The following PAN3 variants were observed in gnomAD, a reference collection of about 807,000 sequenced individuals.
The protein encoded by PAN3 is poly(A) specific ribonuclease subunit PAN3, also known as PAN2-PAN3 deadenylation complex subunit PAN3.
Under a neutral mutation model 96.2 loss-of-function variants are expected in PAN3, and 19 were observed. That is an observed-to-expected ratio of 0.20 (90% CI 0.14 to 0.29). The LOEUF (loss-of-function observed/expected upper bound fraction) is 0.29, where lower values mean the gene tolerates loss of function less well. Ranked by LOEUF, PAN3 falls within the 10% of genes least tolerant of loss-of-function variation. PAN3 has a pLI of 1.00. For synonymous variants in PAN3, 433 were observed against 406.6 expected, an observed-to-expected ratio of 1.06 and a Z score of -0.78; for missense variants, 882 against 1,108.1, an observed-to-expected ratio of 0.80 and a Z score of 2.90.
At chr13:28,278,548 A>G (rs1887230046) in intron 15 of PAN3, among the ~76,000 whole-genome samples, 1 of 152,172 alleles carries the variant, frequency 6.6e-6, no homozygotes, top group Admixed American at 6.5e-5. Context: ...CTATTCTATT[A>G]TAAATGTTTG....
intron 6 of PAN3, among the ~76,000 whole-genome samples, chr13:28,251,927 G>T (rs1884763155): frequency 6.6e-6 from 1 of 151,988 alleles, no homozygotes; most frequent in African/African-American, 2.4e-5. Flanking sequence ...TTATTCTGTT[G>T]CCCAGGCTGG....
intron 4 of PAN3, among the ~76,000 whole-genome samples, chr13:28,190,777 GA>G (rs572603468): frequency 3.7e-4 from 57 of 152,182 alleles, no homozygotes; most frequent in East Asian, 1.7e-3. Flanking sequence ...TAGCACGGGG[GA>G]AACCACTCCC....
chr13:28,189,965 C>CAA (rs1484324820), intron 4 of PAN3, among the ~76,000 whole-genome samples: 1 of 152,126 alleles, frequency 6.6e-6, no homozygotes, highest in African/African-American at 2.4e-5. Context: ...ACTTTTGAGA[C>CAA]AGAGTCTTGC....
At chr13:28,141,595 G>A (rs1869847822) in intron 1 of PAN3, among the ~76,000 whole-genome samples, 3 of 149,124 alleles carry the variant, frequency 2.0e-5, no homozygotes, top group Non-Finnish European at 4.4e-5. Context: ...AGACTCCCTA[G>A]TAGCTGGGAT....
At chr13:28,277,053 G>A (rs1001445560) in intron 14 of PAN3, among the ~76,000 whole-genome samples, 184 bp from the exon 15 acceptor site, 1 of 152,110 alleles carries the variant, frequency 6.6e-6, no homozygotes, top group Non-Finnish European at 1.5e-5. Context: ...GAGAATCTCT[G>A]GTAGAGAGGC....
At chr13:28,269,938 A>G (rs1310065025) in intron 12 of PAN3, among the ~76,000 whole-genome samples, 1 of 152,212 alleles carries the variant, frequency 6.6e-6, no homozygotes, top group Non-Finnish European at 1.5e-5. Flanking sequence ...CAATATGAAT[A>G]TAAGATCAGC....
intron 6 of PAN3, among the ~76,000 whole-genome samples, chr13:28,229,423 A>G (rs977702223): frequency 6.6e-6 from 1 of 152,188 alleles, no homozygotes; most frequent in Non-Finnish European, 1.5e-5. Context: ...AAAACAAAAT[A>G]TAATCTTATT....
At chr13:28,195,654 G>A (rs1483686927) in intron 4 of PAN3, among the ~76,000 whole-genome samples, 1 of 152,070 alleles carries the variant, frequency 6.6e-6, no homozygotes, top group East Asian at 1.9e-4. Flanking sequence ...TTCTGCCTCA[G>A]TCTCCCAAGT....
At chr13:28,221,142 A>C (rs1424947958) in intron 6 of PAN3, among the ~76,000 whole-genome samples, 2 of 152,162 alleles carry the variant, frequency 1.3e-5, no homozygotes, top group African/African-American at 2.4e-5. Flanking sequence ...TTTAGTATAA[A>C]AATATTTAAA....
chr13:28,175,544 A>C (rs546546842), intron 2 of PAN3, among the ~76,000 whole-genome samples: 24 of 152,304 alleles, frequency 1.6e-4, no homozygotes, highest in African/African-American at 5.3e-4. Flanking sequence ...GGCATGAGCC[A>C]CCACTCCTGG....
chr13:28,194,466 ATTTTTT>A (rs1284832933), intron 4 of PAN3, among the ~76,000 whole-genome samples: 1 of 122,116 alleles, frequency 8.2e-6, no homozygotes, highest in African/African-American at 3.6e-5. Context: ...ATATATATAT[ATTTTTT>A]TTTTTTTTTT....
intron 6 of PAN3, among the ~76,000 whole-genome samples, chr13:28,250,223 A>C (rs1884593345): frequency 6.7e-6 from 1 of 149,530 alleles, no homozygotes; most frequent in Admixed American, 6.6e-5. Flanking sequence ...TTTAAACAGC[A>C]TCTCTCTGTC....
At chr13:28,153,473 G>C (rs1192298991) in intron 1 of PAN3, among the ~76,000 whole-genome samples, 1 of 151,822 alleles carries the variant, frequency 6.6e-6, no homozygotes, top group Non-Finnish European at 1.5e-5. Context: ...TCTTGACCTT[G>C]TTGTCCTCCT....
In PAN3 at chr13:28,197,314, T is replaced by A; in HGVS notation, c.820T>A (p.Trp274Arg). The A allele has an allele frequency of 1.2e-6, 2 of 1,609,804 alleles. No homozygotes were observed. The highest frequency in any genetic ancestry group is 1.7e-6 in the Non-Finnish European group (2 of 1,177,874). ...CKSGVPINMV[W>R]WNRVTENNLQ... ...ATCAGGAGTACCCATCAATATGGTTTGGTGGAACAGAGTCACAGAAAACAA... is the reference window on the plus strand; with the variant it reads ...ATCAGGAGTACCCATCAATATGGTTAGGTGGAACAGAGTCACAGAAAACAA... Residue 274 changes from tryptophan to arginine, a missense_variant, in exon 5 of 19, where the codon TGG becomes AGG. Transcript: ENST00000380958.
Position 28,225,788 on chromosome 13 carries a change from A to G in PAN3, c.1000+5410A>G, listed in dbSNP as rs148182682. ...TTCCTATATGATAGTTCTTTTAGTT[A>G]TTTTATTCTTCAGACTAGTTCTGTG... is the stretch of plus-strand genomic sequence containing the variant. On this transcript the variant is annotated intron_variant, in intron 6 of 18. Coordinates refer to ENST00000380958, the MANE Select transcript of PAN3 (RefSeq NM_175854.8). Among the ~76,000 whole-genome samples, 137 of 152,222 alleles carry G rather than the reference A, an allele frequency of 9.0e-4. 1 individual carries two copies. The highest frequency in any genetic ancestry group is 3.0e-3 in the African/African-American group (126 of 41,532).
intron 6 of PAN3, among the ~76,000 whole-genome samples, chr13:28,225,118 T>G (rs1881857272): frequency 6.6e-6 from 1 of 152,200 alleles, no homozygotes; most frequent in Non-Finnish European, 1.5e-5. Context: ...AGTCATTTCT[T>G]ATATATTCCT....
At chr13:28,242,685 G>C (rs1182114312) in intron 6 of PAN3, among the ~76,000 whole-genome samples, 4 of 152,110 alleles carry the variant, frequency 2.6e-5, no homozygotes, top group Non-Finnish European at 5.9e-5. Context: ...AAGCTTTTTT[G>C]ATGTGTGGGT....
intron 1 of PAN3, among the ~76,000 whole-genome samples, chr13:28,166,535 C>T (rs188076306): frequency 2.0e-4 from 30 of 152,326 alleles, no homozygotes; most frequent in Admixed American, 2.0e-3. Flanking sequence ...GTGTTGGATG[C>T]TGGTGGCTGC....
chr13:28,217,613 G>A (rs1880949465), intron 5 of PAN3, among the ~76,000 whole-genome samples: 1 of 151,646 alleles, frequency 6.6e-6, no homozygotes. Flanking sequence ...AAAAAATTGT[G>A]GGGTAAATTT....
Sources: allele counts gnomAD v4.1 joint callset (sites outside exome capture counted in the v4.1 genomes callset), GRCh38; gene constraint gnomAD v4.1.1; transcripts MANE v1.5; gene names NCBI Gene and HGNC (gene_info 2026-07-23, HGNC 2026-07-21).